Variants in GGA2 observed in about 807,000 individuals in gnomAD.
GGA2 encodes ADP-ribosylation factor-binding protein GGA2.
Under a neutral mutation model 79.5 loss-of-function variants are expected in GGA2, and 48 were observed. The observed-to-expected ratio is 0.60, with a 90% CI of 0.48 to 0.77. The LOEUF (loss-of-function observed/expected upper bound fraction) is 0.77, where lower values mean the gene tolerates loss of function less well. Among genes scored for constraint, GGA2 ranks in the 30% least tolerant of loss-of-function variants. The probability of loss-of-function intolerance (pLI) is 0.00; values close to 1 mark genes in which losing one functional copy is unlikely to be tolerated. For missense variants in GGA2, 770 were observed against 774.0 expected (o/e 0.99, Z 0.06); for synonymous variants, 317 against 302.0 (o/e 1.05, Z -0.51).
intron 14 of GGA2, among the ~76,000 whole-genome samples, chr16:23,474,645 C>G (rs1964554104): frequency 6.6e-6 from 1 of 151,888 alleles, no homozygotes; most frequent in South Asian, 2.1e-4. Context: ...CAAATAGAGA[C>G]AAGGCTATGT....
At chr16:23,514,897 G>A (rs1332460127), upstream of GGA2, among the ~76,000 whole-genome samples, 1 of 152,120 alleles carries the variant, frequency 6.6e-6, no homozygotes, top group African/African-American at 2.4e-5. Flanking sequence ...CCGCCACACA[G>A]TTTCAGATCT....
intron 1 of GGA2, among the ~76,000 whole-genome samples, chr16:23,508,595 C>T (rs1965001061): frequency 6.6e-6 from 1 of 152,126 alleles, no homozygotes; most frequent in African/African-American, 2.4e-5. Flanking sequence ...CTCCCCCTGC[C>T]TGTTTCTGCT....
At chr16:23,517,003 A>G (rs1965107149) in intron 2 of GGA2, among the ~76,000 whole-genome samples, 1 of 152,128 alleles carries the variant, frequency 6.6e-6, no homozygotes, top group Non-Finnish European at 1.5e-5. Context: ...TGATGTCACC[A>G]CACGTGTAAT....
chr16:23,490,457 G>A (rs180974572), intron 5 of GGA2, among the ~76,000 whole-genome samples: 6 of 152,216 alleles, frequency 3.9e-5, no homozygotes, highest in African/African-American at 9.6e-5. Flanking sequence ...ATCCACAGCC[G>A]GGAGCGGTGG....
chr16:23,486,926 GA>G (rs1420073734), intron 6 of GGA2, 136 bp from the exon 7 acceptor site: 6 of 699,904 alleles, frequency 8.6e-6, no homozygotes, highest in Non-Finnish European at 1.3e-5. Context: ...ATGGTCCAAG[GA>G]CACTACGATG....
exon 1 of GGA2, chr16:23,521,943 G>A (rs1965147311): frequency 5.2e-6 from 2 of 384,168 alleles, no homozygotes; most frequent in African/African-American, 4.2e-5. Context: ...CTATAACCTC[G>A]GAAGTTTTAG....
At chr16:23,506,363 C>A (rs1964973908) in intron 1 of GGA2, among the ~76,000 whole-genome samples, 1 of 152,138 alleles carries the variant, frequency 6.6e-6, no homozygotes. Flanking sequence ...GCTCCTACTC[C>A]CAGAAGAAAA....
At position 23,521,783 on chromosome 16, in the gene GGA2, A is replaced by G. The variant is rs190570848; in HGVS notation, c.8+10T>C. ...GTATTTTGACCACTCACTTTGTTAA[A>G]AACACTCACTTGACCATGAGCCAAG... On this transcript the variant is annotated intron_variant, in intron 1 of 5. Transcript: ENST00000569300. 236 of 453,700 alleles carry G rather than the reference A, an allele frequency of 5.2e-4. 1 individual carries two copies. The highest frequency in any genetic ancestry group is 4.4e-3 in the African/African-American group (218 of 50,054). 28.1% of individuals were successfully genotyped at this position (453,700 alleles called of 1,614,324 possible). A position where few individuals can be genotyped will look rare whatever the true frequency, so the allele number is the denominator to read the frequency against.
At chr16:23,496,217 C>T (rs1281815117) in intron 1 of GGA2, among the ~76,000 whole-genome samples, 3 of 147,420 alleles carry the variant, frequency 2.0e-5, no homozygotes, top group Admixed American at 6.9e-5. Flanking sequence ...GCAGGAGAAT[C>T]GCTTGAACTT....
chr16:23,475,470 G>A (rs891787673), intron 13 of GGA2, among the ~76,000 whole-genome samples: 1 of 151,872 alleles, frequency 6.6e-6, no homozygotes, highest in African/African-American at 2.4e-5. Flanking sequence ...GATTACAGGC[G>A]TGAGCTAATG....
intron 2 of GGA2, among the ~76,000 whole-genome samples, chr16:23,518,384 T>A (rs1965115883): frequency 6.6e-6 from 1 of 152,062 alleles, no homozygotes; most frequent in Non-Finnish European, 1.5e-5. Flanking sequence ...AATTTCTGTA[T>A]TTTTTTGTAA....
At chr16:23,497,526 T>G (rs889806925) in intron 1 of GGA2, among the ~76,000 whole-genome samples, 1 of 152,156 alleles carries the variant, frequency 6.6e-6, no homozygotes, top group Non-Finnish European at 1.5e-5. Flanking sequence ...GCCCACTGAC[T>G]CCATTCTAAG....
chr16:23,473,196 C>T (rs1036679553), intron 14 of GGA2, among the ~76,000 whole-genome samples: 1 of 151,758 alleles, frequency 6.6e-6, no homozygotes, highest in Admixed American at 6.6e-5. Flanking sequence ...ACATTCTATA[C>T]ACACTGTGGT....
At chr16:23,485,157 A>G (rs1964696372) in intron 8 of GGA2, among the ~76,000 whole-genome samples, 1 of 152,226 alleles carries the variant, frequency 6.6e-6, no homozygotes, top group African/African-American at 2.4e-5. Context: ...GTGCAACCGC[A>G]TTTGGACGAA....
intron 14 of GGA2, among the ~76,000 whole-genome samples, chr16:23,473,838 T>TTCA (rs1326181924): frequency 6.6e-6 from 1 of 152,302 alleles, no homozygotes; most frequent in East Asian, 1.9e-4. Flanking sequence ...ACATTGAACA[T>TTCA]GTATTATTTC....
At chr16:23,484,961 T>G (rs77075829) in intron 8 of GGA2, among the ~76,000 whole-genome samples, 1 of 152,182 alleles carries the variant, frequency 6.6e-6, no homozygotes, top group Non-Finnish European at 1.5e-5. Context: ...TCATTCATAA[T>G]AGCCAAAAAG....
rs1352052199 is a variant in GGA2 at position 23,475,925 on chromosome 16, A to T, written c.1293-864T>A. Among the ~76,000 whole-genome samples the T allele has an allele frequency of 3.4e-5, 4 of 118,432 alleles. 1 individual carries two copies. The Admixed American group carries it at 3.8e-4, about 11-fold the overall frequency. The allele number at this position is 118,432 out of a possible 152,430, so 77.7% of individuals were successfully genotyped here. A position where few individuals can be genotyped will look rare whatever the true frequency, so the allele number is the denominator to read the frequency against. On this transcript the variant is annotated intron_variant, in intron 13 of 16. Transcript: ENST00000309859. ...AGCCTGGGCAACAGAGTGAGACTCC[A>T]TCTCAGGAAAAAAAAAAGAAAAAAA...
chr16:23,474,971 A>G lies in GGA2; in HGVS notation c.1383T>C (p.Ala461=), dbSNP rs776814383. The G allele has an allele frequency of 3.7e-6, 6 of 1,612,400 alleles. No homozygotes were observed. The highest frequency in any genetic ancestry group is 2.2e-5 in the South Asian group (2 of 91,040). Residue 461 remains alanine, a synonymous_variant, in exon 14 of 17, where the codon GCT becomes GCC. Coordinates refer to ENST00000309859, the MANE Select transcript of GGA2 (RefSeq NM_015044.4). ...PGWSWEAGPL[A]PSPSSQNTPL... ...GTGTATTCTGTGAAGATGGGGAAGGAGCCAACGGGCCAGCCTCCCAGGACC... is the reference window on the plus strand; with the variant it reads ...GTGTATTCTGTGAAGATGGGGAAGGGGCCAACGGGCCAGCCTCCCAGGACC...
intron 9 of GGA2, among the ~76,000 whole-genome samples, chr16:23,482,137 G>C (rs1001793168): frequency 6.6e-6 from 1 of 152,134 alleles, no homozygotes; most frequent in Admixed American, 6.5e-5. Flanking sequence ...GATGGTGGGT[G>C]CCTATAATCC....
Sources: allele counts gnomAD v4.1 joint callset (sites outside exome capture counted in the v4.1 genomes callset), GRCh38; gene constraint gnomAD v4.1.1; transcripts MANE v1.5; gene names NCBI Gene and HGNC (gene_info 2026-07-23, HGNC 2026-07-21).